SLC36A1: variants seen among roughly 807,000 people sequenced by gnomAD.
SLC36A1 encodes the protein solute carrier family 36 member 1.
Under a neutral mutation model 47.5 loss-of-function variants are expected in SLC36A1, and 30 were observed. The ratio of observed to expected loss-of-function variants is 0.63; its 90% CI spans 0.47 to 0.86. The LOEUF (loss-of-function observed/expected upper bound fraction) is 0.86, where lower values mean the gene tolerates loss of function less well. SLC36A1 is among the 40% of genes least tolerant of loss of function. The probability of loss-of-function intolerance (pLI) is 0.00; values close to 1 mark genes in which losing one functional copy is unlikely to be tolerated. For missense variants in SLC36A1, 517 were observed against 606.0 expected (o/e 0.85, Z 1.54); for synonymous variants, 255 against 249.7 (o/e 1.02, Z -0.20).
the SLC36A1 span, among the ~76,000 whole-genome samples, chr5:151,427,815 T>C: frequency 4.9e-4 from 75 of 152,072 alleles, no homozygotes; most frequent in Non-Finnish European, 9.6e-4. Flanking sequence ...CAGACAGAGA[T>C]GGAGGGATGT....
the SLC36A1 span, among the ~76,000 whole-genome samples, chr5:151,430,042 T>C: frequency 2.6e-5 from 4 of 152,176 alleles, no homozygotes; most frequent in Admixed American, 2.6e-4. Context: ...AAACCTTTAC[T>C]GAGCTCCTTG....
chr5:151,517,543 A>G, the SLC36A1 span: 1 of 1,560,134 alleles, frequency 6.4e-7, no homozygotes, highest in Non-Finnish European at 8.8e-7. Context: ...GGGCTTCCTG[A>G]CATTCCTCAT....
rs776318482 is a variant in SLC36A1, at chr5:151,474,178, A to AAAAAAAAAAAAAAAAAAAGAG, written c.822+408_822+409insAAAAAAAAAAAAAAAAAGAGA. Among the ~76,000 whole-genome samples, 34 of 119,012 alleles carry AAAAAAAAAAAAAAAAAAAGAG rather than the reference A, an allele frequency of 2.9e-4. 2 individuals are homozygous for AAAAAAAAAAAAAAAAAAAGAG. The highest frequency in any genetic ancestry group is 1.3e-3 in the African/African-American group (30 of 22,306). 78.1% of individuals were successfully genotyped at this position (119,012 alleles called of 152,430 possible). A position where few individuals can be genotyped will look rare whatever the true frequency, so the allele number is the denominator to read the frequency against. On this transcript the variant is annotated intron_variant, in intron 8 of 10. Coordinates refer to ENST00000243389, the MANE Select transcript of SLC36A1 (RefSeq NM_078483.4). ...CTGTCTCAAAAAAAAAAAAAAAAAA[A>AAAAAAAAAAAAAAAAAAAGAG]AGAAATTATCTTCTGTAACTCACTG...
At chr5:151,479,039 GAT>G (rs1378405946) in intron 9 of SLC36A1, among the ~76,000 whole-genome samples, 1 of 152,194 alleles carries the variant, frequency 6.6e-6, no homozygotes, top group African/African-American at 2.4e-5. Flanking sequence ...GGGGCACCAC[GAT>G]TTACCTATCG....
the SLC36A1 span, among the ~76,000 whole-genome samples, chr5:151,399,499 T>C: frequency 2.0e-5 from 3 of 152,194 alleles, no homozygotes; most frequent in African/African-American, 7.2e-5. Context: ...GTGATTTAAT[T>C]CGAAAGGTTC....
At chr5:151,354,624 C>T in the SLC36A1 span, among the ~76,000 whole-genome samples, 3 of 152,176 alleles carry the variant, frequency 2.0e-5, no homozygotes, top group Non-Finnish European at 4.4e-5. Context: ...CCCTGTCCCT[C>T]AGCGGGGTTA....
the SLC36A1 span, among the ~76,000 whole-genome samples, chr5:151,374,996 C>A: frequency 6.6e-6 from 1 of 151,682 alleles, no homozygotes; most frequent in South Asian, 2.1e-4. Flanking sequence ...ATATTTTCTC[C>A]TATCTTGCAG....
At chr5:151,446,490 A>C (rs541915921), upstream of SLC36A1, among the ~76,000 whole-genome samples, 10 of 152,312 alleles carry the variant, frequency 6.6e-5, no homozygotes, top group South Asian at 2.1e-3. Flanking sequence ...AGATTGCACC[A>C]CTGCACTCCA....
chr5:151,550,189 G>C, the SLC36A1 span, among the ~76,000 whole-genome samples: 1 of 152,196 alleles, frequency 6.6e-6, no homozygotes, highest in Non-Finnish European at 1.5e-5. Flanking sequence ...GGCCCAGAGA[G>C]TGAGCCCTCC....
the SLC36A1 span, among the ~76,000 whole-genome samples, chr5:151,502,617 A>G: frequency 2.0e-5 from 3 of 148,148 alleles, no homozygotes; most frequent in Admixed American, 2.0e-4. Context: ...CCGCACACCC[A>G]TTAGAAAGGT....
chr5:151,447,391 C>A (rs1015183067), upstream of SLC36A1, among the ~76,000 whole-genome samples: 1 of 152,266 alleles, frequency 6.6e-6, no homozygotes, highest in African/African-American at 2.4e-5. Flanking sequence ...TGCTCTTCGA[C>A]TGGACTCTGC....
intron 2 of SLC36A1, among the ~76,000 whole-genome samples, chr5:151,462,420 A>T (rs1247191822): frequency 6.6e-6 from 1 of 151,116 alleles, no homozygotes; most frequent in East Asian, 2.0e-4. Context: ...GCTGGAGTGC[A>T]GTGGCACAAT....
chr5:151,551,392 C>T, the SLC36A1 span: 1 of 1,512,020 alleles, frequency 6.6e-7, no homozygotes, highest in Non-Finnish European at 9.0e-7. Context: ...CACAGAAAAC[C>T]TCTGTAGCCT....
At chr5:151,502,872 CTG>C in the SLC36A1 span, among the ~76,000 whole-genome samples, 1 of 148,330 alleles carries the variant, frequency 6.7e-6, no homozygotes, top group African/African-American at 2.7e-5. Flanking sequence ...GGTAAATAAA[CTG>C]TAGTACATCC....
chr5:151,487,850 C>T, intron 10 of SLC36A1, 133 bp from the exon 11 acceptor site: 1 of 1,087,184 alleles, frequency 9.2e-7, no homozygotes, highest in Non-Finnish European at 1.3e-6. Context: ...AGAGATTGAA[C>T]TGGACAATGT....
chr5:151,467,342 A>G (rs570008397), intron 6 of SLC36A1, 59 bp downstream of exon 6: 1 of 1,175,290 alleles, frequency 8.5e-7, no homozygotes, highest in South Asian at 1.3e-5. Flanking sequence ...ATGGCAAAAG[A>G]TGATTGAAGT....
intron 1 of SLC36A1, among the ~76,000 whole-genome samples, chr5:151,454,323 C>T (rs1055357041): frequency 9.9e-5 from 15 of 152,054 alleles, no homozygotes; most frequent in Non-Finnish European, 1.5e-4. Context: ...CAGCAATAGA[C>T]TTGGCTATCA....
the SLC36A1 span, among the ~76,000 whole-genome samples, chr5:151,370,700 A>C: frequency 2.6e-5 from 4 of 152,174 alleles, no homozygotes; most frequent in Admixed American, 1.3e-4. Flanking sequence ...ATCTGATTTA[A>C]ATTGCTTCTA....
In SLC36A1 at chr5:151,467,318, AAAC is replaced by A. The variant is rs768239287; in HGVS notation, c.504+36_504+38del. 6,337 of 1,321,010 alleles carry A rather than the reference AAAC, an allele frequency of 4.8e-3. 25 individuals carry two copies. Among genetic ancestry groups the A allele is most frequent in the Non-Finnish European group, 5.8e-3 (5,503 of 952,832 alleles). The allele number at this position is 1,321,010 out of a possible 1,614,324, so 81.8% of individuals were successfully genotyped here. A position where few individuals can be genotyped will look rare whatever the true frequency, so the allele number is the denominator to read the frequency against. ...TGGTTAAAAAAGAAAAAAAAAAAAAAAACCAGAGCGAGAATGGCAAAAGATGAT... is the reference window on the plus strand; with the variant it reads ...TGGTTAAAAAAGAAAAAAAAAAAAAACAGAGCGAGAATGGCAAAAGATGAT... On this transcript the variant is annotated intron_variant, in intron 6 of 10. Transcript: ENST00000243389.
Sources: gnomAD v4.1 joint callset for allele counts (sites outside exome capture counted in the v4.1 genomes callset) on GRCh38, gnomAD v4.1.1 for gene constraint, MANE v1.5 for transcripts, NCBI Gene and HGNC (gene_info 2026-07-23, HGNC 2026-07-21) for gene names.